HTR1E: variants seen among roughly 807,000 people sequenced by gnomAD.
HTR1E encodes 5-hydroxytryptamine receptor 1E.
In HTR1E, 3 loss-of-function variants were observed where a neutral mutation model predicts 3.4. That is an observed-to-expected ratio of 0.89 (90% CI 0.41 to 2.31). The LOEUF (loss-of-function observed/expected upper bound fraction) is 2.31. Ranked by LOEUF, HTR1E falls within the 30% of genes most tolerant of loss-of-function variation. The pLI, the probability that HTR1E is intolerant of heterozygous loss-of-function variation, is 0.05. For missense variants in HTR1E, 392 were observed against 467.0 expected (o/e 0.84, Z 1.48); for synonymous variants, 170 against 182.8 (o/e 0.93, Z 0.56).
chr6:86,978,619 G>T (rs1466488891), intron 1 of HTR1E, among the ~76,000 whole-genome samples: 1 of 152,130 alleles, frequency 6.6e-6, no homozygotes, highest in Non-Finnish European at 1.5e-5. Flanking sequence ...ATTTGTCATT[G>T]ACTTGGGCTT....
intron 1 of HTR1E, among the ~76,000 whole-genome samples, chr6:87,008,811 TAAG>T (rs1478293871): frequency 6.6e-6 from 1 of 152,194 alleles, no homozygotes; most frequent in African/African-American, 2.4e-5. Context: ...TAAAATATTA[TAAG>T]ATGATCACCC....
At chr6:86,959,708 T>C (rs1374449601) in intron 1 of HTR1E, among the ~76,000 whole-genome samples, 5 of 151,998 alleles carry the variant, frequency 3.3e-5, no homozygotes, top group African/African-American at 1.2e-4. Context: ...GAAACAGACA[T>C]TGTGTGAGAA....
chr6:86,951,111 A>G (rs1262479955), intron 1 of HTR1E, among the ~76,000 whole-genome samples: 1 of 152,132 alleles, frequency 6.6e-6, no homozygotes, highest in Non-Finnish European at 1.5e-5. Context: ...TTCCATAGTG[A>G]GTCTTTGTCA....
At chr6:86,971,130 G>A (rs1767548251) in intron 1 of HTR1E, 2 of 509,728 alleles carry the variant, frequency 3.9e-6, no homozygotes, top group African/African-American at 1.9e-5. Flanking sequence ...TCATTTTGTA[G>A]AAGGTGGAGA....
intron 1 of HTR1E, chr6:86,970,911 T>C (rs1767543031): frequency 6.9e-6 from 2 of 290,102 alleles, no homozygotes; most frequent in Non-Finnish European, 1.3e-5. Flanking sequence ...GTAAATGAGC[T>C]AATCTACAAC....
At chr6:86,991,729 G>A (rs1767871864) in intron 1 of HTR1E, among the ~76,000 whole-genome samples, 1 of 152,248 alleles carries the variant, frequency 6.6e-6, no homozygotes, top group Middle Eastern at 3.4e-3. Context: ...TCTAAACAAA[G>A]AGTTAAGGAA....
At chr6:86,945,494 C>T (rs1768603584) in intron 1 of HTR1E, among the ~76,000 whole-genome samples, 1 of 152,040 alleles carries the variant, frequency 6.6e-6, no homozygotes, top group Non-Finnish European at 1.5e-5. Flanking sequence ...TCGCCCGCCT[C>T]AGCCTCCCAA....
chr6:86,973,035 A>T (rs1767581834), intron 1 of HTR1E, among the ~76,000 whole-genome samples: 1 of 152,176 alleles, frequency 6.6e-6, no homozygotes, highest in Non-Finnish European at 1.5e-5. Flanking sequence ...CTAGTTCTTT[A>T]TTACAGTTGT....
At chr6:87,006,179 C>T (rs1768104156) in intron 1 of HTR1E, among the ~76,000 whole-genome samples, 1 of 152,096 alleles carries the variant, frequency 6.6e-6, no homozygotes, top group Admixed American at 6.5e-5. Context: ...GGAGGTTCCT[C>T]AGAAAACTGA....
At chr6:86,950,330 T>G (rs550184112) in intron 1 of HTR1E, among the ~76,000 whole-genome samples, 1 of 152,154 alleles carries the variant, frequency 6.6e-6, no homozygotes, top group Non-Finnish European at 1.5e-5. Context: ...GTTCTTTGAG[T>G]AGAGAACCTT....
At chr6:86,966,671 G>A (rs1251549051) in intron 1 of HTR1E, among the ~76,000 whole-genome samples, 1 of 152,182 alleles carries the variant, frequency 6.6e-6, no homozygotes, top group Non-Finnish European at 1.5e-5. Context: ...TTGCTGACAT[G>A]TGTTTGTTGG....
intron 1 of HTR1E, among the ~76,000 whole-genome samples, chr6:86,989,690 T>C (rs895739878): frequency 6.6e-6 from 1 of 152,186 alleles, no homozygotes; most frequent in South Asian, 2.1e-4. Flanking sequence ...ATAAAAACCA[T>C]AGGATGTTAG....
chr6:86,941,984 A>C (rs1768552637), intron 1 of HTR1E, among the ~76,000 whole-genome samples: 1 of 152,212 alleles, frequency 6.6e-6, no homozygotes, highest in Non-Finnish European at 1.5e-5. Flanking sequence ...GGAAAATTCA[A>C]GGGGATACAT....
intron 1 of HTR1E, among the ~76,000 whole-genome samples, chr6:86,998,337 A>G (rs1263023777): frequency 1.3e-5 from 2 of 152,140 alleles, no homozygotes; most frequent in Non-Finnish European, 2.9e-5. Context: ...GAGCCATAAA[A>G]TAAGTCTCAG....
intron 1 of HTR1E, among the ~76,000 whole-genome samples, chr6:86,958,393 C>T (rs1169719846): frequency 6.6e-6 from 1 of 152,128 alleles, no homozygotes; most frequent in Non-Finnish European, 1.5e-5. Flanking sequence ...CTCACAATGA[C>T]CCCAAACATT....
At chr6:86,981,135 C>A (rs960270636) in intron 1 of HTR1E, among the ~76,000 whole-genome samples, 9 of 152,174 alleles carry the variant, frequency 5.9e-5, no homozygotes, top group African/African-American at 2.2e-4. Flanking sequence ...GTTGAGGCAA[C>A]AGAGGCTCAG....
intron 1 of HTR1E, among the ~76,000 whole-genome samples, chr6:86,992,493 T>C (rs1333415829): frequency 6.6e-6 from 1 of 152,212 alleles, no homozygotes; most frequent in Non-Finnish European, 1.5e-5. Context: ...TTGGTCAATA[T>C]ATATTAGGTT....
intron 1 of HTR1E, among the ~76,000 whole-genome samples, chr6:86,958,912 C>T (rs1023939242): frequency 2.2e-4 from 34 of 151,436 alleles, no homozygotes; most frequent in African/African-American, 7.0e-4. Context: ...AATCAGGGCT[C>T]TCCAGAGAAA....
At chr6:86,938,974 T>C (rs545562583) in intron 1 of HTR1E, among the ~76,000 whole-genome samples, 1 of 152,324 alleles carries the variant, frequency 6.6e-6, no homozygotes, top group Non-Finnish European at 1.5e-5. Context: ...TACTTAATCC[T>C]GCGCAAGAGA....
Sources: allele counts gnomAD v4.1 joint callset (sites outside exome capture counted in the v4.1 genomes callset), GRCh38; gene constraint gnomAD v4.1.1; transcripts MANE v1.5; gene names NCBI Gene and HGNC (gene_info 2026-07-23, HGNC 2026-07-21).